FNTA: variants seen among roughly 807,000 people sequenced by gnomAD.
FNTA encodes protein farnesyltransferase/geranylgeranyltransferase type-1 subunit alpha.
In FNTA, 27 loss-of-function variants were observed where a neutral mutation model predicts 55.2. The observed-to-expected ratio is 0.49, with a 90% CI of 0.36 to 0.67. The LOEUF (loss-of-function observed/expected upper bound fraction) is 0.67, where lower values mean the gene tolerates loss of function less well. Among genes scored for constraint, FNTA ranks in the 30% least tolerant of loss-of-function variants. The probability of loss-of-function intolerance (pLI) is 0.00; values close to 1 mark genes in which losing one functional copy is unlikely to be tolerated. For synonymous variants in FNTA, 176 were observed against 170.7 expected (o/e 1.03, Z -0.24); for missense variants, 422 against 464.7 (o/e 0.91, Z 0.85).
At chr8:43,070,104 A>G (rs1415604773) in intron 4 of FNTA, 1 of 150,850 alleles carries the variant, frequency 6.6e-6, no homozygotes, top group Non-Finnish European at 1.5e-5. Context: ...AAATACAGAA[A>G]TTAGCCGGGT....
At chr8:43,060,675 CAA>C (rs202205706) in intron 2 of FNTA, among the ~76,000 whole-genome samples, 7 of 141,130 alleles carry the variant, frequency 5.0e-5, no homozygotes, top group African/African-American at 8.3e-5. Context: ...AACTCTGTCT[CAA>C]AAAAAAAAAA....
At chr8:43,084,632 T>G (rs550955614) in intron 7 of FNTA, 78 bp from the exon 8 acceptor site, 3 of 1,139,210 alleles carry the variant, frequency 2.6e-6, no homozygotes, top group Non-Finnish European at 3.7e-6. Flanking sequence ...GTTTCAGGGT[T>G]TATTTTCTCT....
chr8:43,066,617 A>G (rs1487158875), intron 3 of FNTA, among the ~76,000 whole-genome samples: 1 of 87,190 alleles, frequency 1.1e-5, no homozygotes, highest in African/African-American at 4.0e-5. Context: ...TGTGTGTTTA[A>G]TTTCATGGAT....
intron 5 of FNTA, 149 bp downstream of exon 5, chr8:43,072,456 T>C: frequency 2.1e-6 from 1 of 466,082 alleles, no homozygotes; most frequent in Non-Finnish European, 3.4e-6. Flanking sequence ...CCATGTGTGG[T>C]GGCTCATGTC....
chr8:43,067,165 C>G (rs1586655901), intron 3 of FNTA, among the ~76,000 whole-genome samples: 1 of 152,262 alleles, frequency 6.6e-6, no homozygotes, highest in Admixed American at 6.5e-5. Context: ...TGTCTCCTGC[C>G]CAAGACAGGA....
chr8:43,072,241 T>C lies in FNTA; in HGVS notation c.567T>C (p.Ile189=). 6.3e-7 allele frequency: 1 copy of C among 1,593,838 alleles called. No individual in the cohort carries two copies. Among genetic ancestry groups the C allele is most frequent in the Non-Finnish European group, 8.6e-7 (1 of 1,169,556 alleles). The change falls in exon 5 of 9, where the codon ATT becomes ATC. Residue 189 remains isoleucine (I), a synonymous_variant. Coordinates refer to ENST00000302279, the MANE Select transcript of FNTA (RefSeq NM_002027.3). ...ATCCATCTCAGGAGCTTGAATTTAT[T>C]GCTGATATTCTTAATCAGGATGCAA... ...LRDPSQELEF[I]ADILNQDAKN...
chr8:43,056,697 G>A (rs11988404), intron 1 of FNTA, 151 bp downstream of exon 1: 109 of 348,062 alleles, frequency 3.1e-4, no homozygotes, highest in African/African-American at 2.1e-3. Flanking sequence ...CCGGGCGGCT[G>A]CCGGGACGTC....
intron 2 of FNTA, 98 bp downstream of exon 2, chr8:43,059,275 T>C (rs144538202): frequency 1.2e-6 from 1 of 802,142 alleles, no homozygotes; most frequent in African/African-American, 1.8e-5. Flanking sequence ...AATTTCTGTC[T>C]AATAAAAATC....
chr8:43,071,675 C>T (rs982899497), intron 4 of FNTA, among the ~76,000 whole-genome samples: 1 of 132,916 alleles, frequency 7.5e-6, no homozygotes, highest in East Asian at 2.2e-4. Context: ...GCCTGGGGAA[C>T]AAGAGCGAGA....
At chr8:43,077,091 C>T in intron 5 of FNTA, 125 bp from the exon 6 acceptor site, 1 of 560,210 alleles carries the variant, frequency 1.8e-6, no homozygotes, top group East Asian at 3.2e-5. Flanking sequence ...CTATCACTAC[C>T]TTCTGAATTT....
intron 3 of FNTA, among the ~76,000 whole-genome samples, chr8:43,067,341 A>G (rs532084555): frequency 4.0e-4 from 61 of 152,328 alleles, no homozygotes; most frequent in African/African-American, 1.5e-3. Context: ...CTATCTGCTC[A>G]CACTTCCCAT....
chr8:43,066,693 T>A (rs1367945532), intron 3 of FNTA, among the ~76,000 whole-genome samples: 1 of 152,164 alleles, frequency 6.6e-6, no homozygotes, highest in East Asian at 1.9e-4. Context: ...TTGGTAATTC[T>A]TGACTTTCTC....
intron 8 of FNTA, 113 bp downstream of exon 8, chr8:43,084,994 C>A: frequency 8.2e-7 from 1 of 1,221,218 alleles, no homozygotes; most frequent in Admixed American, 2.2e-5. Context: ...CAGTGCAGGG[C>A]TATTTCTGGT....
chr8:43,069,526 C>T (rs376313439), intron 3 of FNTA, 29 bp from the exon 4 acceptor site: 33 of 1,383,662 alleles, frequency 2.4e-5, no homozygotes, highest in Middle Eastern at 1.8e-4. Flanking sequence ...TGTAATAATG[C>T]GACTTTGGAT....
At chr8:43,063,809 C>T (rs767488660) in intron 2 of FNTA, among the ~76,000 whole-genome samples, 26 of 152,014 alleles carry the variant, frequency 1.7e-4, no homozygotes, top group Admixed American at 1.2e-3. Flanking sequence ...ATATATGCAA[C>T]CCTAATTTTT....
intron 1 of FNTA, among the ~76,000 whole-genome samples, chr8:43,058,592 A>G (rs992409347): frequency 2.0e-5 from 3 of 152,056 alleles, no homozygotes; most frequent in African/African-American, 4.8e-5. Flanking sequence ...CAACATGGTG[A>G]AACCCCATCT....
At chr8:43,071,366 A>G (rs1810786269) in intron 4 of FNTA, among the ~76,000 whole-genome samples, 1 of 152,060 alleles carries the variant, frequency 6.6e-6, no homozygotes, top group Non-Finnish European at 1.5e-5. Flanking sequence ...ATCCTTAAGT[A>G]TTTTCCTAGC....
At chr8:43,067,619 T>TTA in intron 3 of FNTA, among the ~76,000 whole-genome samples, 2 of 152,136 alleles carry the variant, frequency 1.3e-5, no homozygotes, top group East Asian at 3.9e-4. Context: ...AGCCAAGGGC[T>TTA]TATATTTACA....
At chr8:43,080,912 C>T (rs2130572024) in intron 6 of FNTA, 1 of 152,316 alleles carries the variant, frequency 6.6e-6, no homozygotes, top group East Asian at 1.9e-4. Flanking sequence ...CACTGGCTTC[C>T]TGTTGCCAAA....
Sources: allele counts gnomAD v4.1 joint callset (sites outside exome capture counted in the v4.1 genomes callset), GRCh38; gene constraint gnomAD v4.1.1; transcripts MANE v1.5; gene names NCBI Gene and HGNC (gene_info 2026-07-23, HGNC 2026-07-21).